CSMD2: variants seen among roughly 807,000 people sequenced by gnomAD.
CSMD2 encodes the protein CUB and sushi domain-containing protein 2.
A neutral mutation model predicts 398.5 loss-of-function variants in CSMD2; 130 were observed. The observed-to-expected ratio is 0.33, with a 90% CI of 0.28 to 0.38. The LOEUF is 0.38. CSMD2 is among the 10% of genes least tolerant of loss of function. CSMD2 has a pLI of 1.00. For missense variants in CSMD2, 3,829 were observed against 4,764.9 expected (o/e 0.80, Z 5.78); for synonymous variants, 1,828 against 1,908.5 (o/e 0.96, Z 1.10).
chr1:33,824,521 C>A lies in CSMD2; in HGVS notation c.1111+1176G>T, dbSNP rs148533200. 9.1e-3 allele frequency among the ~76,000 whole-genome samples: 1,388 copies of A among 152,304 alleles called. 11 individuals carry two copies. Among genetic ancestry groups the A allele is most frequent in the Non-Finnish European group, 0.013 (903 of 68,038 alleles). Reference sequence around the variant, plus strand: ...AACCCAGGCTCGGTTCAGTCGGAGCCTGAGACCAAAGTGCCTCTTCTCCTG... The same window carrying A: ...AACCCAGGCTCGGTTCAGTCGGAGCATGAGACCAAAGTGCCTCTTCTCCTG... On this transcript the variant is annotated intron_variant, in intron 7 of 70. Coordinates refer to ENST00000373381, the MANE Select transcript of CSMD2 (RefSeq NM_001281956.2).
intron 6 of CSMD2, among the ~76,000 whole-genome samples, chr1:33,828,236 G>A (rs1426775930): frequency 2.0e-5 from 3 of 152,204 alleles, no homozygotes; most frequent in South Asian, 2.1e-4. Flanking sequence ...ATCAAACAGA[G>A]GGCATTAGTA....
chr1:34,135,323 A>G (rs1188620358), intron 1 of CSMD2, among the ~76,000 whole-genome samples: 3 of 151,868 alleles, frequency 2.0e-5, no homozygotes, highest in Non-Finnish European at 4.4e-5. Flanking sequence ...GTAGCCCAAA[A>G]CTAGAAAAAG....
intron 5 of CSMD2, among the ~76,000 whole-genome samples, chr1:33,900,470 T>C (rs879559585): frequency 3.7e-4 from 57 of 152,206 alleles, no homozygotes; most frequent in Admixed American, 3.7e-3. Context: ...TTTATGATAA[T>C]ATTATTATTT....
In CSMD2 at chr1:33,537,666, C is replaced by T. The variant is rs1655932744; in HGVS notation, c.9632-57G>A. ...AGTTGCTTTCCAGAACCCAATCTTC[C>T]AGTCCCACACCCCCATCTTTGTTCT... On this transcript the variant is annotated intron_variant, in intron 60 of 70. Transcript: ENST00000373381. This position sits in a 1 kb window ranked among gnomAD's most constrained non-coding sequence, Gnocchi z 4.6. The T allele has an allele frequency of 6.6e-7, 1 of 1,515,868 alleles. No homozygotes were observed. Among genetic ancestry groups the T allele is most frequent in the African/African-American group, 1.4e-5 (1 of 73,088 alleles). The allele number at this position is 1,515,868 out of a possible 1,614,324, so 93.9% of individuals were successfully genotyped here.
Position 33,537,003 on chromosome 1 carries a change from T to A in CSMD2, c.9879+19A>T, listed in dbSNP as rs753866270. ...AGGGATAGGATGTAGGAAGACCCTA[T>A]CTTGGCTGACCTCCTTACCTGGTAG... is the stretch of plus-strand genomic sequence containing the variant. On this transcript the variant is annotated intron_variant, in intron 62 of 70. Coordinates refer to ENST00000373381, the MANE Select transcript of CSMD2 (RefSeq NM_001281956.2). The surrounding 1 kb of genome is among the most constrained non-coding windows in gnomAD (Gnocchi z 4.6). 1 of 1,613,158 alleles carries A rather than the reference T, an allele frequency of 6.2e-7. No homozygotes were observed. Among genetic ancestry groups the A allele is most frequent in the South Asian group, 1.1e-5 (1 of 91,070 alleles).
At chr1:33,701,790 GC>G (rs1479673624) in intron 22 of CSMD2, among the ~76,000 whole-genome samples, 52 of 152,322 alleles carry the variant, frequency 3.4e-4, no homozygotes, top group Middle Eastern at 3.4e-3. Flanking sequence ...AAAGAGTTTA[GC>G]TTAAATTGTT....
rs1323023151 is a variant in CSMD2, at chr1:33,714,790, G to A, written c.3218-15C>T. The A allele has an allele frequency of 6.2e-7, 1 of 1,613,000 alleles. No homozygotes were observed. The highest frequency in any genetic ancestry group is 1.1e-5 in the South Asian group (1 of 91,068). Reference sequence around the variant, plus strand: ...CAAGTCGTACTCTGGAAAGGTAGCAGGAGATCCGGGCTCAGAGACATTGCG... The same window carrying A: ...CAAGTCGTACTCTGGAAAGGTAGCAAGAGATCCGGGCTCAGAGACATTGCG... On this transcript the variant is annotated splice_polypyrimidine_tract_variant and intron_variant, in intron 20 of 70. Coordinates refer to ENST00000373381, the MANE Select transcript of CSMD2 (RefSeq NM_001281956.2).
At chr1:33,922,233 G>A (rs1643967079) in intron 4 of CSMD2, among the ~76,000 whole-genome samples, 1 of 152,166 alleles carries the variant, frequency 6.6e-6, no homozygotes, top group Non-Finnish European at 1.5e-5. Flanking sequence ...TCCCACCACA[G>A]GAGTGGAGAA....
At chr1:33,811,197 T>A (rs969736951) in intron 9 of CSMD2, among the ~76,000 whole-genome samples, 1 of 152,050 alleles carries the variant, frequency 6.6e-6, no homozygotes, top group African/African-American at 2.4e-5. Context: ...ACCTGTCAGG[T>A]TGACATAAAG....
intron 41 of CSMD2, among the ~76,000 whole-genome samples, chr1:33,608,692 G>A (rs1052201645): frequency 6.6e-6 from 1 of 152,138 alleles, no homozygotes; most frequent in African/African-American, 2.4e-5. Flanking sequence ...AGGTCGGGGT[G>A]ATACTTCTAA....
chr1:34,033,579 A>C (rs892077836), intron 2 of CSMD2, among the ~76,000 whole-genome samples: 3 of 152,224 alleles, frequency 2.0e-5, no homozygotes, highest in African/African-American at 7.2e-5. Context: ...CTGATTGTGC[A>C]CACAGGTCAT....
chr1:33,731,667 T>C (rs1646724868), intron 15 of CSMD2, among the ~76,000 whole-genome samples: 1 of 152,118 alleles, frequency 6.6e-6, no homozygotes, highest in Non-Finnish European at 1.5e-5. Flanking sequence ...TAGACACCTA[T>C]AGATTAGAAA....
chr1:33,978,093 T>C (rs1190637603), intron 3 of CSMD2, among the ~76,000 whole-genome samples: 1 of 152,034 alleles, frequency 6.6e-6, no homozygotes, highest in Non-Finnish European at 1.5e-5. Flanking sequence ...GGAGACTTTA[T>C]TATTCCCATT....
At chr1:33,689,266 C>G (rs534221662) in intron 25 of CSMD2, among the ~76,000 whole-genome samples, 2 of 152,184 alleles carry the variant, frequency 1.3e-5, no homozygotes. Context: ...CTCCATCTTT[C>G]TGCAGCTCTC....
intron 14 of CSMD2, 131 bp downstream of exon 14, chr1:33,743,149 C>CACTGCAGCCCTGCAATGCCCTGGGA: frequency 1.4e-6 from 1 of 710,074 alleles, no homozygotes; most frequent in Non-Finnish European, 2.3e-6. Context: ...CATGACTGGG[C>CACTGCAGCCCTGCAATGCCCTGGGA]ACTGCAGCCC....
chr1:34,045,403 C>A (rs1157237699), intron 2 of CSMD2, among the ~76,000 whole-genome samples: 2 of 152,118 alleles, frequency 1.3e-5, no homozygotes, highest in Non-Finnish European at 2.9e-5. Flanking sequence ...ATCTGGAGAT[C>A]CTTGTAATAA....
chr1:33,819,616 G>T, intron 9 of CSMD2, 97 bp downstream of exon 9: 2 of 1,126,172 alleles, frequency 1.8e-6, no homozygotes, highest in Non-Finnish European at 2.6e-6. Flanking sequence ...GAGCCAGTCT[G>T]CTTGAGAGCC....
chr1:33,587,040 C>T (rs1318800217), intron 45 of CSMD2, 48 bp downstream of exon 45: 26 of 1,462,970 alleles, frequency 1.8e-5, no homozygotes, highest in African/African-American at 4.2e-5. Context: ...CCTTCCCTTC[C>T]TTCCCCAGTC....
chr1:34,092,050 A>G (rs1658631426), intron 1 of CSMD2, among the ~76,000 whole-genome samples: 1 of 152,230 alleles, frequency 6.6e-6, no homozygotes, highest in South Asian at 2.1e-4. Flanking sequence ...AAAATAATAT[A>G]CAAAAATCAG....
Sources: allele counts gnomAD v4.1 joint callset (sites outside exome capture counted in the v4.1 genomes callset), GRCh38; gene constraint gnomAD v4.1.1; non-coding constraint Gnocchi (gnomAD v3.1); transcripts MANE v1.5; gene names NCBI Gene and HGNC (gene_info 2026-07-23, HGNC 2026-07-21).